Variants in DIAPH3 observed in about 807,000 individuals in gnomAD.
DIAPH3 encodes the protein protein diaphanous homolog 3.
In DIAPH3, 117 loss-of-function variants were observed where a neutral mutation model predicts 144.3. That is an observed-to-expected ratio of 0.81 (90% CI 0.70 to 0.95). The LOEUF (loss-of-function observed/expected upper bound fraction) is 0.95, where lower values mean the gene tolerates loss of function less well. DIAPH3 is among the 40% of genes least tolerant of loss of function. The probability of loss-of-function intolerance (pLI) is 0.00; values close to 1 mark genes in which losing one functional copy is unlikely to be tolerated. For missense variants in DIAPH3, 1,421 were observed against 1,412.7 expected (o/e 1.01, Z -0.09); for synonymous variants, 519 against 488.9 (o/e 1.06, Z -0.81).
chr13:59,830,184 A>G (rs1298147461), intron 24 of DIAPH3, among the ~76,000 whole-genome samples: 1 of 151,840 alleles, frequency 6.6e-6, no homozygotes, highest in Non-Finnish European at 1.5e-5. Context: ...AGATCAGAAG[A>G]CCCTGACAAA....
rs543005904 is a variant in DIAPH3, at chr13:60,059,506, C to T, written c.496-16686G>A. Reference sequence around the variant, plus strand: ...GTTTTTAAACATACCACTTAAAATACTTTACATAGATTATCATTATATGCT... The same window carrying T: ...GTTTTTAAACATACCACTTAAAATATTTTACATAGATTATCATTATATGCT... On this transcript the variant is annotated intron_variant, in intron 4 of 27. Transcript: ENST00000400324. Among the ~76,000 whole-genome samples, 231 of 152,070 alleles carry T rather than the reference C, an allele frequency of 1.5e-3. 1 individual carries two copies. Among genetic ancestry groups the T allele is most frequent in the African/African-American group, 5.3e-3 (220 of 41,532 alleles).
chr13:59,983,977 T>C (rs1003105), intron 12 of DIAPH3, 90 bp from the exon 13 acceptor site: 1 of 809,676 alleles, frequency 1.2e-6, no homozygotes, highest in Admixed American at 1.9e-5. Context: ...TGATTTCAAG[T>C]TCAACAATTT....
intron 27 of DIAPH3, among the ~76,000 whole-genome samples, chr13:59,765,052 T>C (rs1005639279): frequency 1.3e-5 from 2 of 152,154 alleles, no homozygotes; most frequent in Non-Finnish European, 2.9e-5. Context: ...ACTCTTTCTC[T>C]TGGTGGCTCT....
chr13:59,886,647 TAC>T (rs1186135882), intron 20 of DIAPH3, among the ~76,000 whole-genome samples: 2 of 152,068 alleles, frequency 1.3e-5, no homozygotes, highest in African/African-American at 4.8e-5. Context: ...AGCAATATCT[TAC>T]AGTTTTCAGT....
At chr13:59,973,161 C>T (rs2050485011) in intron 15 of DIAPH3, among the ~76,000 whole-genome samples, 1 of 151,984 alleles carries the variant, frequency 6.6e-6, no homozygotes, top group South Asian at 2.1e-4. Flanking sequence ...ACACTTATTC[C>T]CATTTTATGT....
chr13:60,159,349 G>C (rs1952177098), intron 1 of DIAPH3, among the ~76,000 whole-genome samples: 1 of 152,196 alleles, frequency 6.6e-6, no homozygotes, highest in South Asian at 2.1e-4. Context: ...TTCTAGGCCA[G>C]GTGCGATGGC....
intron 4 of DIAPH3, among the ~76,000 whole-genome samples, chr13:60,059,836 C>T (rs2056698747): frequency 1.3e-5 from 2 of 152,098 alleles, no homozygotes; most frequent in African/African-American, 4.8e-5. Context: ...GGTTCATTAT[C>T]GTCTTTACTG....
intron 17 of DIAPH3, among the ~76,000 whole-genome samples, chr13:59,954,674 C>T (rs1453031745): frequency 1.3e-5 from 2 of 152,120 alleles, no homozygotes; most frequent in Admixed American, 6.5e-5. Flanking sequence ...TTAATTGACT[C>T]ATAGTTCCAT....
intron 5 of DIAPH3, among the ~76,000 whole-genome samples, chr13:60,037,541 C>G (rs772209670): frequency 2.6e-5 from 4 of 151,408 alleles, no homozygotes; most frequent in Non-Finnish European, 5.9e-5. Context: ...AATTTCTTTT[C>G]TAAGATTAGA....
At chr13:60,005,696 T>C (rs561015783) in intron 9 of DIAPH3, among the ~76,000 whole-genome samples, 26 of 152,210 alleles carry the variant, frequency 1.7e-4, no homozygotes, top group Admixed American at 1.5e-3. Context: ...TTAGCCAGGA[T>C]GGTCTCGATC....
chr13:59,771,844 T>C (rs364646), intron 27 of DIAPH3, among the ~76,000 whole-genome samples: 117,389 of 151,896 alleles, frequency 0.77, 45,485 homozygotes, highest in East Asian at 0.88. Context: ...ATGCATAAAA[T>C]ATTCATCATA....
intron 27 of DIAPH3, among the ~76,000 whole-genome samples, chr13:59,718,100 G>GGTTGGAATT (rs373542101): frequency 3.3e-4 from 50 of 152,194 alleles, no homozygotes; most frequent in African/African-American, 1.1e-3. Context: ...AACCTCTCAT[G>GGTTGGAATT]GTTGGAATTG....
At chr13:59,804,160 C>T (rs1307475522) in intron 25 of DIAPH3, among the ~76,000 whole-genome samples, 1 of 152,212 alleles carries the variant, frequency 6.6e-6, no homozygotes, top group African/African-American at 2.4e-5. Context: ...AAGAATCCCT[C>T]CTTTGACTGT....
chr13:59,967,861 C>T (rs2050146485), intron 17 of DIAPH3, among the ~76,000 whole-genome samples: 2 of 152,050 alleles, frequency 1.3e-5, no homozygotes, highest in Admixed American at 6.6e-5. Context: ...CAACCCTGGG[C>T]TTCCCCACTC....
At chr13:60,137,593 G>C (rs1348013494) in intron 1 of DIAPH3, among the ~76,000 whole-genome samples, 4 of 152,108 alleles carry the variant, frequency 2.6e-5, no homozygotes, top group Non-Finnish European at 4.4e-5. Flanking sequence ...TGGAGCAAAG[G>C]ATCTGTCCAT....
At chr13:59,680,602 C>G (rs1486092037) in intron 27 of DIAPH3, among the ~76,000 whole-genome samples, 1 of 151,050 alleles carries the variant, frequency 6.6e-6, no homozygotes, top group Non-Finnish European at 1.5e-5. Flanking sequence ...GAAAATGCAG[C>G]TATAAGCTAT....
At chr13:59,960,460 C>A (rs1196476306) in intron 17 of DIAPH3, among the ~76,000 whole-genome samples, 2 of 152,160 alleles carry the variant, frequency 1.3e-5, no homozygotes, top group Non-Finnish European at 2.9e-5. Context: ...CTTCTGCTAG[C>A]AATCTATGAA....
chr13:59,709,773 C>T (rs2034632188), intron 27 of DIAPH3, among the ~76,000 whole-genome samples: 1 of 152,172 alleles, frequency 6.6e-6, no homozygotes, highest in Non-Finnish European at 1.5e-5. Flanking sequence ...ATAAATCATG[C>T]TGCTATAAAG....
chr13:59,883,414 T>C (rs2045219591), intron 20 of DIAPH3, among the ~76,000 whole-genome samples: 1 of 152,170 alleles, frequency 6.6e-6, no homozygotes, highest in South Asian at 2.1e-4. Flanking sequence ...TATGCAGACT[T>C]AACATGGCAC....
Sources: allele counts gnomAD v4.1 joint callset (sites outside exome capture counted in the v4.1 genomes callset), GRCh38; gene constraint gnomAD v4.1.1; transcripts MANE v1.5; gene names NCBI Gene and HGNC (gene_info 2026-07-23, HGNC 2026-07-21).